ARHGAP44: variants seen among roughly 807,000 people sequenced by gnomAD.
The protein encoded by ARHGAP44 is rho GTPase-activating protein 44.
A neutral mutation model predicts 106.8 loss-of-function variants in ARHGAP44; 43 were observed. The observed-to-expected ratio is 0.40, with a 90% CI of 0.32 to 0.52. The LOEUF (loss-of-function observed/expected upper bound fraction) is 0.52. Among genes scored for constraint, ARHGAP44 ranks in the 20% least tolerant of loss-of-function variants. The pLI is 0.48. For missense variants in ARHGAP44, 866 were observed against 1,050.5 expected, an observed-to-expected ratio of 0.82 and a Z score of 2.43; for synonymous variants, 439 against 410.3, an observed-to-expected ratio of 1.07 and a Z score of -0.85.
At chr17:12,841,631 C>CAAAAAAAAAA (rs1567642349) in intron 1 of ARHGAP44, among the ~76,000 whole-genome samples, 7 of 106,286 alleles carry the variant, frequency 6.6e-5, no homozygotes, top group African/African-American at 2.6e-4. Context: ...CACACACACA[C>CAAAAAAAAAA]ACACACACAA....
intron 1 of ARHGAP44, among the ~76,000 whole-genome samples, chr17:12,858,752 T>C (rs1046904807): frequency 1.3e-5 from 2 of 152,158 alleles, no homozygotes; most frequent in Non-Finnish European, 2.9e-5. Context: ...TTAGTACATT[T>C]TCATGCTGCT....
At chr17:12,822,874 C>T (rs1055922219) in intron 1 of ARHGAP44, among the ~76,000 whole-genome samples, 2 of 152,152 alleles carry the variant, frequency 1.3e-5, no homozygotes, top group African/African-American at 2.4e-5. Flanking sequence ...GCACAGCTTG[C>T]GTTCTGTTCA....
At chr17:12,919,856 T>G in intron 6 of ARHGAP44, 25 bp downstream of exon 6, 8 of 1,599,032 alleles carry the variant, frequency 5.0e-6, no homozygotes, top group Non-Finnish European at 6.8e-6. Flanking sequence ...CTTTCTTTTT[T>G]GCTTCTTTGA....
intron 1 of ARHGAP44, among the ~76,000 whole-genome samples, chr17:12,827,479 A>G (rs926959972): frequency 1.3e-5 from 2 of 152,208 alleles, no homozygotes; most frequent in Non-Finnish European, 2.9e-5. Flanking sequence ...TATATTTTTA[A>G]AATATATCAC....
intron 20 of ARHGAP44, chr17:12,987,167 G>A: frequency 6.5e-7 from 1 of 1,531,192 alleles, no homozygotes; most frequent in Non-Finnish European, 8.7e-7. Flanking sequence ...GCTGGCCCCG[G>A]CCTCGCCCCT....
At chr17:12,910,030 A>AAT (rs2037677559) in intron 4 of ARHGAP44, among the ~76,000 whole-genome samples, 1 of 152,216 alleles carries the variant, frequency 6.6e-6, no homozygotes, top group Admixed American at 6.5e-5. Context: ...ATAATGGAGT[A>AAT]ATATCTTCAA....
intron 1 of ARHGAP44, among the ~76,000 whole-genome samples, chr17:12,811,063 A>G (rs753408272): frequency 1.3e-5 from 2 of 152,208 alleles, no homozygotes; most frequent in Non-Finnish European, 2.9e-5. Context: ...CTGTAATCCC[A>G]GCACTTTAGG....
chr17:12,987,396 T>G, intron 20 of ARHGAP44: 1 of 427,536 alleles, frequency 2.3e-6, no homozygotes, highest in Non-Finnish European at 4.2e-6. Context: ...GCCAGCCCCT[T>G]TCCCCCACCT....
At chr17:12,825,026 A>G (rs994921139) in intron 1 of ARHGAP44, among the ~76,000 whole-genome samples, 2 of 151,706 alleles carry the variant, frequency 1.3e-5, no homozygotes, top group Non-Finnish European at 2.9e-5. Flanking sequence ...ATGCTCATTT[A>G]TATGATTATT....
chr17:12,857,030 A>T (rs76420588), intron 1 of ARHGAP44, among the ~76,000 whole-genome samples: 2,881 of 152,204 alleles, frequency 0.019, 96 homozygotes, highest in African/African-American at 0.066. Flanking sequence ...CTCTTGCCAC[A>T]TTTTAGATAT....
chr17:12,986,708 A>AAAAGC, intron 20 of ARHGAP44: 1 of 140,686 alleles, frequency 7.1e-6, no homozygotes, highest in South Asian at 2.4e-4. Context: ...AAAAAGAATG[A>AAAAGC]GCAGAAGATA....
intron 1 of ARHGAP44, among the ~76,000 whole-genome samples, chr17:12,886,924 G>C (rs4791512): frequency 0.54 from 80,262 of 148,654 alleles, 21,748 homozygotes; most frequent in Non-Finnish European, 0.57. Context: ...TGTTATTTAT[G>C]AAGTTGAGGA....
intron 3 of ARHGAP44, 106 bp downstream of exon 3, chr17:12,896,617 G>A: frequency 1.0e-6 from 1 of 970,030 alleles, no homozygotes; most frequent in African/African-American, 1.6e-5. Flanking sequence ...CTGCTTACGT[G>A]CCTGAGAATT....
chr17:12,794,974 C>T (rs180895660), intron 1 of ARHGAP44, among the ~76,000 whole-genome samples: 6 of 151,590 alleles, frequency 4.0e-5, no homozygotes, highest in East Asian at 3.9e-4. Context: ...TTCTAAGAGC[C>T]GTGACCCAAT....
chr17:12,893,333 A>C (rs1272701906), intron 1 of ARHGAP44, among the ~76,000 whole-genome samples: 1 of 152,092 alleles, frequency 6.6e-6, no homozygotes, highest in African/African-American at 2.4e-5. Flanking sequence ...GGCTTTCACT[A>C]ATACTGCAGA....
At chr17:12,978,102 T>A (rs886948505) in intron 18 of ARHGAP44, among the ~76,000 whole-genome samples, 3 of 148,432 alleles carry the variant, frequency 2.0e-5, no homozygotes, top group African/African-American at 7.5e-5. Context: ...ATTCCTAGAT[T>A]CCTTGGATAG....
chr17:12,984,317 G>A (rs1243925395), intron 19 of ARHGAP44, among the ~76,000 whole-genome samples: 1 of 152,006 alleles, frequency 6.6e-6, no homozygotes, highest in East Asian at 1.9e-4. Context: ...TGGGAAGATA[G>A]GAAAACTTGC....
chr17:12,963,046 CAAAAAAAAAAAA>C (rs71369355), intron 16 of ARHGAP44, among the ~76,000 whole-genome samples: 1 of 70,948 alleles, frequency 1.4e-5, no homozygotes, highest in African/African-American at 6.5e-5. Flanking sequence ...AACACCATCT[CAAAAAAAAAAAA>C]AAAAAAAAAA....
chr17:12,929,578 A>T (rs1304983190), intron 7 of ARHGAP44, among the ~76,000 whole-genome samples: 1 of 152,180 alleles, frequency 6.6e-6, no homozygotes, highest in Non-Finnish European at 1.5e-5. Flanking sequence ...CGTTCTGAAA[A>T]CTGCGACTCT....
Sources: gnomAD v4.1 joint callset for allele counts (sites outside exome capture counted in the v4.1 genomes callset) on GRCh38, gnomAD v4.1.1 for gene constraint, MANE v1.5 for transcripts, NCBI Gene and HGNC (gene_info 2026-07-23, HGNC 2026-07-21) for gene names.